Variants in PHF20 observed in about 807,000 individuals in gnomAD.
PHF20 encodes the protein PHD finger protein 20.
PHF20 carries 23 observed loss-of-function variants against 113.5 expected under a neutral mutation model. That is an observed-to-expected ratio of 0.20 (90% CI 0.15 to 0.29). The LOEUF is 0.29. Ranked by LOEUF, PHF20 falls within the 10% of genes least tolerant of loss-of-function variation. The probability of loss-of-function intolerance (pLI) is 1.00; values close to 1 mark genes in which losing one functional copy is unlikely to be tolerated. For synonymous variants in PHF20, 434 were observed against 457.3 expected (o/e 0.95, Z 0.65); for missense variants, 943 against 1,219.6 (o/e 0.77, Z 3.38).
At chr20:35,853,021 A>T (rs989055773) in intron 4 of PHF20, among the ~76,000 whole-genome samples, 4 of 149,832 alleles carry the variant, frequency 2.7e-5, no homozygotes, top group African/African-American at 9.8e-5. Context: ...TCAGGAGTTC[A>T]AGACCAGCCT....
intron 9 of PHF20, among the ~76,000 whole-genome samples, chr20:35,887,241 A>G (rs1043281472): frequency 3.9e-5 from 6 of 152,156 alleles, no homozygotes; most frequent in Admixed American, 6.5e-5. Context: ...ATCCCCCTCT[A>G]TATTATCTAT....
chr20:35,939,130 G>A lies in PHF20; in HGVS notation c.2712+22G>A, dbSNP rs774806528. 5 of 1,561,818 alleles carry A rather than the reference G, an allele frequency of 3.2e-6. No homozygotes were observed. In the Admixed American group the frequency reaches 9.7e-5, roughly 30 times the overall value. ...AAAGGTATGTGGCTGCCTTGTACTT[G>A]TTCTTCATTCATTGCGTGAATGCTT... On this transcript the variant is annotated intron_variant, in intron 16 of 17. Transcript: ENST00000374012.
At chr20:35,793,949 T>TCG (rs2041612144) in intron 1 of PHF20, among the ~76,000 whole-genome samples, 1 of 143,050 alleles carries the variant, frequency 7.0e-6, no homozygotes, top group Admixed American at 7.3e-5. Context: ...AGAGCCGAGA[T>TCG]TGCACCTTGC....
At chr20:35,854,964 C>G (rs771103858) in intron 4 of PHF20, among the ~76,000 whole-genome samples, 4 of 152,120 alleles carry the variant, frequency 2.6e-5, no homozygotes, top group Non-Finnish European at 4.4e-5. Context: ...GGTAACATTA[C>G]TCAATATTGA....
chr20:35,802,846 G>A (rs2041806104), intron 2 of PHF20, among the ~76,000 whole-genome samples: 1 of 151,472 alleles, frequency 6.6e-6, no homozygotes, highest in African/African-American at 2.4e-5. Flanking sequence ...GGCTGAGCCA[G>A]GAGAATTGCT....
At chr20:35,814,656 G>A (rs2042035281) in intron 2 of PHF20, among the ~76,000 whole-genome samples, 1 of 147,452 alleles carries the variant, frequency 6.8e-6, no homozygotes, top group African/African-American at 2.5e-5. Flanking sequence ...GGTGGATCAC[G>A]AGGTCAGGAG....
intron 9 of PHF20, among the ~76,000 whole-genome samples, chr20:35,891,776 C>T (rs1328014035): frequency 1.3e-5 from 2 of 152,034 alleles, no homozygotes; most frequent in Non-Finnish European, 2.9e-5. Context: ...GTAAAATAGT[C>T]CAATTTGCAA....
chr20:35,890,202 A>G (rs1026219823), intron 9 of PHF20, among the ~76,000 whole-genome samples: 54 of 143,226 alleles, frequency 3.8e-4, no homozygotes, highest in Non-Finnish European at 1.5e-4. Context: ...TACTTTTTGT[A>G]TTTTTTCGTA....
At chr20:35,824,605 CAAA>C (rs149254794) in intron 2 of PHF20, among the ~76,000 whole-genome samples, 1 of 111,062 alleles carries the variant, frequency 9.0e-6, no homozygotes, top group Non-Finnish European at 1.9e-5. Context: ...GACTCTGTCT[CAAA>C]AAAAAAAAAA....
intron 4 of PHF20, among the ~76,000 whole-genome samples, chr20:35,853,757 C>CTTT (rs775477393): frequency 1.1e-4 from 16 of 140,484 alleles, no homozygotes; most frequent in Middle Eastern, 7.3e-3. Flanking sequence ...CTATTTCTTT[C>CTTT]TTTTTTTTTT....
At position 35,843,092 on chromosome 20, in the gene PHF20, G is replaced by A. The variant is rs138522749; in HGVS notation, c.255+348G>A. Among the ~76,000 whole-genome samples the A allele has an allele frequency of 2.5e-3, 387 of 151,964 alleles. 3 individuals are homozygous for A. The highest frequency in any genetic ancestry group is 8.6e-3 in the African/African-American group (358 of 41,468). Reference sequence around the variant, plus strand: ...AATTTTTGTATTTTTAGTAGAGATGGGGTTTTGCCATCTTGGCCAGGCTGG... The same window carrying A: ...AATTTTTGTATTTTTAGTAGAGATGAGGTTTTGCCATCTTGGCCAGGCTGG... On this transcript the variant is annotated intron_variant, in intron 3 of 17. Coordinates refer to ENST00000374012, the MANE Select transcript of PHF20 (RefSeq NM_016436.5).
chr20:35,923,507 T>C (rs886859351), intron 13 of PHF20, among the ~76,000 whole-genome samples: 2 of 152,170 alleles, frequency 1.3e-5, no homozygotes, highest in African/African-American at 2.4e-5. Context: ...TTTGGTTATT[T>C]TAAAATTCAT....
chr20:35,875,079 G>C (rs559688857), intron 9 of PHF20, among the ~76,000 whole-genome samples: 4 of 152,224 alleles, frequency 2.6e-5, no homozygotes, highest in African/African-American at 9.6e-5. Flanking sequence ...CTGGGTGACA[G>C]AGGAAGACCC....
chr20:35,891,413 C>T (rs1668942631), intron 9 of PHF20, among the ~76,000 whole-genome samples: 1 of 148,940 alleles, frequency 6.7e-6, no homozygotes, highest in Non-Finnish European at 1.5e-5. Context: ...TTGGGTATTT[C>T]AACATTTTAG....
chr20:35,823,306 C>T (rs982594059), intron 2 of PHF20, among the ~76,000 whole-genome samples: 9 of 151,664 alleles, frequency 5.9e-5, no homozygotes, highest in African/African-American at 1.9e-4. Context: ...AGCCCCACCA[C>T]AATCAAGATA....
chr20:35,914,618 A>G (rs901047302), intron 12 of PHF20, among the ~76,000 whole-genome samples: 2 of 152,180 alleles, frequency 1.3e-5, no homozygotes, highest in African/African-American at 4.8e-5. Context: ...CATCAACAAG[A>G]GATTAGTAGC....
Position 35,913,411 on chromosome 20 carries a change from C to T in PHF20, c.1660+64C>T. ...ACTATGAATGGGGAGGGGTTGCTTT[C>T]TCCCATTATGGCCTCTGGGCCTGCG... On this transcript the variant is annotated intron_variant, in intron 11 of 17. Coordinates refer to ENST00000374012, the MANE Select transcript of PHF20 (RefSeq NM_016436.5). 7.9e-6 allele frequency: 9 copies of T among 1,137,394 alleles called. No homozygotes were observed. In the South Asian group the frequency reaches 1.2e-4, roughly 15 times the overall value. The allele number at this position is 1,137,394 out of a possible 1,614,324, so 70.5% of individuals were successfully genotyped here. A position where few individuals can be genotyped will look rare whatever the true frequency, so the allele number is the denominator to read the frequency against.
At chr20:35,909,781 G>A (rs865990423) in intron 10 of PHF20, among the ~76,000 whole-genome samples, 1 of 152,290 alleles carries the variant, frequency 6.6e-6, no homozygotes, top group Middle Eastern at 3.4e-3. Flanking sequence ...CCAGCCAGTA[G>A]GCACAGCCCA....
At chr20:35,923,802 A>C (rs2055567073) in intron 13 of PHF20, among the ~76,000 whole-genome samples, 1 of 152,202 alleles carries the variant, frequency 6.6e-6, no homozygotes, top group Non-Finnish European at 1.5e-5. Flanking sequence ...CCCAGGATGG[A>C]GTACAGAGGC....
Sources: gnomAD v4.1 joint callset for allele counts (sites outside exome capture counted in the v4.1 genomes callset) on GRCh38, gnomAD v4.1.1 for gene constraint, MANE v1.5 for transcripts, NCBI Gene and HGNC (gene_info 2026-07-23, HGNC 2026-07-21) for gene names.